The following TSPEAR variants were observed in gnomAD, a reference collection of about 807,000 sequenced individuals.
TSPEAR encodes the protein thrombospondin type laminin G domain and EAR repeats.
In TSPEAR, 69 loss-of-function variants were observed where a neutral mutation model predicts 71.6. That is an observed-to-expected ratio of 0.96 (90% CI 0.79 to 1.18). The LOEUF (loss-of-function observed/expected upper bound fraction) is 1.18. Among genes scored for constraint, TSPEAR ranks in the 50% most tolerant of loss-of-function variants. The pLI is 0.00. For synonymous variants in TSPEAR, 402 were observed against 387.2 expected (o/e 1.04, Z -0.45); for missense variants, 971 against 894.9 (o/e 1.09, Z -1.09).
At chr21:44,697,498 C>A (rs781874196) in intron 1 of TSPEAR, 6 of 1,613,530 alleles carry the variant, frequency 3.7e-6, no homozygotes, top group Non-Finnish European at 5.1e-6. Flanking sequence ...CCTCCTCCCC[C>A]TGCCAGCAGG....
chr21:44,704,532 C>A (rs1340883966), intron 1 of TSPEAR, among the ~76,000 whole-genome samples: 1 of 152,244 alleles, frequency 6.6e-6, no homozygotes, highest in African/African-American at 2.4e-5. Context: ...TGAGACAGAA[C>A]ACACCAGACT....
At chr21:44,510,440 A>T (rs930147411) in intron 9 of TSPEAR, among the ~76,000 whole-genome samples, 1 of 152,102 alleles carries the variant, frequency 6.6e-6, no homozygotes, top group Admixed American at 6.5e-5. Context: ...GACGTTTTCT[A>T]TTTGCCCAAA....
At chr21:44,573,524 C>T (rs979385855) in intron 1 of TSPEAR, among the ~76,000 whole-genome samples, 5 of 152,196 alleles carry the variant, frequency 3.3e-5, no homozygotes, top group Non-Finnish European at 7.4e-5. Context: ...CAGGCCAATT[C>T]CAAGTTTTGT....
chr21:44,612,777 C>T lies in TSPEAR; in HGVS notation c.83-44772G>A. On this transcript the variant is annotated intron_variant, in intron 1 of 11. Transcript: ENST00000323084. This position sits in a 1 kb window ranked among gnomAD's most constrained non-coding sequence, Gnocchi z 4.1. ...CGGCCTGCCTGCTGTGTGCCTGTCCCCTCCTGTTGTGTCCCTGCCTCCTCC... is the reference window on the plus strand; with the variant it reads ...CGGCCTGCCTGCTGTGTGCCTGTCCTCTCCTGTTGTGTCCCTGCCTCCTCC... The T allele has an allele frequency of 1.2e-6, 2 of 1,613,698 alleles. No homozygotes were observed. The highest frequency in any genetic ancestry group is 1.7e-6 in the Non-Finnish European group (2 of 1,179,962).
chr21:44,532,580 AG>A (rs1555915876), intron 3 of TSPEAR, among the ~76,000 whole-genome samples: 1 of 152,260 alleles, frequency 6.6e-6, no homozygotes, highest in East Asian at 1.9e-4. Context: ...TTATGCGATA[AG>A]TTTCATAACA....
At chr21:44,551,122 CG>C in intron 2 of TSPEAR, 1 of 1,559,244 alleles carries the variant, frequency 6.4e-7, no homozygotes, top group Non-Finnish European at 8.8e-7. Flanking sequence ...CCACAGCAGA[CG>C]GGCACACAGC....
intron 1 of TSPEAR, among the ~76,000 whole-genome samples, chr21:44,649,374 G>T (rs1017149168): frequency 1.1e-4 from 16 of 152,160 alleles, no homozygotes; most frequent in African/African-American, 3.9e-4. Flanking sequence ...TCCTGGTAAC[G>T]GAAGTTTCTA....
At chr21:44,709,033 C>T (rs1365291019) in intron 1 of TSPEAR, among the ~76,000 whole-genome samples, 4 of 152,226 alleles carry the variant, frequency 2.6e-5, no homozygotes, top group Non-Finnish European at 5.9e-5. Flanking sequence ...ACACTCAGGA[C>T]AGGGAGAGGC....
At chr21:44,692,579 T>C (rs1007140124) in intron 1 of TSPEAR, among the ~76,000 whole-genome samples, 20 of 151,952 alleles carry the variant, frequency 1.3e-4, no homozygotes, top group African/African-American at 4.6e-4. Context: ...AAAAATCTGA[T>C]AAGGAAATTA....
chr21:44,680,250 A>G (rs1986515447), intron 1 of TSPEAR, among the ~76,000 whole-genome samples: 1 of 152,230 alleles, frequency 6.6e-6, no homozygotes, highest in African/African-American at 2.4e-5. Context: ...GGCATCTCTC[A>G]AAAGAAGACA....
At chr21:44,666,005 C>T (rs1297973689) in intron 1 of TSPEAR, among the ~76,000 whole-genome samples, 1 of 152,184 alleles carries the variant, frequency 6.6e-6, no homozygotes, top group Non-Finnish European at 1.5e-5. Flanking sequence ...TGCACCTGGG[C>T]CCCAGGAGCC....
intron 1 of TSPEAR, chr21:44,579,438 AC>A: frequency 2.1e-6 from 1 of 479,980 alleles, no homozygotes; most frequent in Non-Finnish European, 3.7e-6. Flanking sequence ...CCCCAGGAGC[AC>A]TACAGAAAAA....
At chr21:44,664,572 T>C (rs1230440400) in intron 1 of TSPEAR, among the ~76,000 whole-genome samples, 2 of 152,170 alleles carry the variant, frequency 1.3e-5, no homozygotes, top group South Asian at 2.1e-4. Context: ...CAAATATCTA[T>C]ATGGAAAGAC....
chr21:44,702,650 G>A, intron 1 of TSPEAR: 3 of 1,581,226 alleles, frequency 1.9e-6, no homozygotes, highest in Non-Finnish European at 2.6e-6. Flanking sequence ...AGGCCCACCT[G>A]CTGCATGCCC....
intron 9 of TSPEAR, among the ~76,000 whole-genome samples, chr21:44,514,177 C>T (rs1248076628): frequency 6.6e-6 from 1 of 152,220 alleles, no homozygotes; most frequent in Non-Finnish European, 1.5e-5. Context: ...GCTGACCCCT[C>T]ATGCCACCCC....
chr21:44,697,894 C>G, intron 1 of TSPEAR: 3 of 1,602,976 alleles, frequency 1.9e-6, no homozygotes, highest in South Asian at 2.3e-5. Context: ...TGGCCTCCTG[C>G]GGGTCCCTCC....
chr21:44,564,272 G>A (rs2053675634), intron 2 of TSPEAR, among the ~76,000 whole-genome samples: 2 of 152,164 alleles, frequency 1.3e-5, no homozygotes, highest in South Asian at 2.1e-4. Context: ...AAAAAATGAG[G>A]TCAACTGTAT....
intron 1 of TSPEAR, among the ~76,000 whole-genome samples, chr21:44,706,886 C>T (rs1282421840): frequency 6.6e-6 from 1 of 152,236 alleles, no homozygotes; most frequent in East Asian, 1.9e-4. Flanking sequence ...CAAAGCCAAC[C>T]CCAAGCCCCA....
At chr21:44,601,491 G>A in intron 1 of TSPEAR, 1 of 1,612,582 alleles carries the variant, frequency 6.2e-7, no homozygotes, top group South Asian at 1.1e-5. Flanking sequence ...GCTGCCAGCA[G>A]TCTAGCTGCC....
Sources: allele counts gnomAD v4.1 joint callset (sites outside exome capture counted in the v4.1 genomes callset), GRCh38; gene constraint gnomAD v4.1.1; non-coding constraint Gnocchi (gnomAD v3.1); transcripts MANE v1.5; gene names NCBI Gene and HGNC (gene_info 2026-07-23, HGNC 2026-07-21).